Variants in C6orf118 observed in about 807,000 individuals in gnomAD.
C6orf118 encodes chromosome 6 open reading frame 118, also known as uncharacterized protein C6orf118.
In C6orf118, 50 loss-of-function variants were observed where a neutral mutation model predicts 50.2. The observed-to-expected ratio is 1.00, with a 90% CI of 0.79 to 1.26. The LOEUF (loss-of-function observed/expected upper bound fraction) is 1.26, where lower values mean the gene tolerates loss of function less well. Ranked by LOEUF, C6orf118 falls within the 50% of genes most tolerant of loss-of-function variation. The pLI is 0.00. For synonymous variants in C6orf118, 239 were observed against 230.9 expected, an observed-to-expected ratio of 1.03 and a Z score of -0.32; for missense variants, 641 against 578.7, an observed-to-expected ratio of 1.11 and a Z score of -1.10.
At chr6:165,309,470 A>G in intron 1 of C6orf118, 92 bp downstream of exon 1, 1 of 1,494,732 alleles carries the variant, frequency 6.7e-7, no homozygotes. Flanking sequence ...AAAGATTTTC[A>G]CATTTCAAAT....
chr6:165,301,634 C>T lies in C6orf118; in HGVS notation c.688G>A (p.Asp230Asn), dbSNP rs1780542405. 3.1e-6 allele frequency: 5 copies of T among 1,614,054 alleles called. No homozygotes were observed. Among genetic ancestry groups the T allele is most frequent in the African/African-American group, 2.7e-5 (2 of 74,938 alleles). ...RFQKEVLAKQDLLKNDFTGSK... is the reference protein window; with the variant it reads ...RFQKEVLAKQNLLKNDFTGSK... ...CCAGTGAAGTCATTCTTCAGGAGAT[C>T]TTGCTTGGCGAGCACTTCCTTCTGG... The change falls in exon 2 of 9, where the codon GAT (aspartate) becomes AAT (asparagine). Residue 230 changes from aspartate to asparagine, a missense_variant. Asp to Asn is a conservative substitution (Grantham distance 23, BLOSUM62 1). Coordinates refer to ENST00000230301, the MANE Select transcript of C6orf118 (RefSeq NM_144980.4).
At chr6:165,303,031 T>C (rs1198782258) in intron 1 of C6orf118, among the ~76,000 whole-genome samples, 4 of 152,216 alleles carry the variant, frequency 2.6e-5, no homozygotes, top group African/African-American at 7.2e-5. Context: ...AGCCCAGATT[T>C]GCCCCCTTCA....
chr6:165,297,331 G>C (rs1044584504), intron 5 of C6orf118, among the ~76,000 whole-genome samples: 12 of 151,352 alleles, frequency 7.9e-5, no homozygotes, highest in African/African-American at 1.7e-4. Flanking sequence ...TTGAACCCGG[G>C]AGATGGAAGT....
intron 1 of C6orf118, among the ~76,000 whole-genome samples, chr6:165,303,669 A>G (rs1266110245): frequency 3.5e-5 from 3 of 86,674 alleles, no homozygotes; most frequent in African/African-American, 1.8e-4. Flanking sequence ...AATACAAACT[A>G]CCATCAGAGA....
At chr6:165,300,658 T>C (rs562881740) in intron 2 of C6orf118, among the ~76,000 whole-genome samples, 172 bp from the exon 3 acceptor site, 3 of 151,854 alleles carry the variant, frequency 2.0e-5, no homozygotes, top group Admixed American at 6.6e-5. Context: ...CTGAGCTTCT[T>C]TGTTTCCCTG....
At chr6:165,289,098 G>A (rs1376459693) in intron 7 of C6orf118, among the ~76,000 whole-genome samples, 1 of 151,130 alleles carries the variant, frequency 6.6e-6, no homozygotes, top group Non-Finnish European at 1.5e-5. Flanking sequence ...TTCTAAAACA[G>A]GGGTCAAAAA....
intron 7 of C6orf118, among the ~76,000 whole-genome samples, chr6:165,282,761 G>A (rs1376297099): frequency 6.7e-6 from 1 of 149,704 alleles, no homozygotes. Flanking sequence ...TTTGAATTAA[G>A]CAGCCAAATA....
At chr6:165,288,967 A>AAATAT (rs1182557871) in intron 7 of C6orf118, among the ~76,000 whole-genome samples, 1 of 152,070 alleles carries the variant, frequency 6.6e-6, no homozygotes, top group African/African-American at 2.4e-5. Flanking sequence ...AAATAAAATA[A>AAATAT]ATAAATGTAA....
Position 165,286,607 on chromosome 6 carries a change from T to C in C6orf118, c.1302+3279A>G, listed in dbSNP as rs569729993. Among the ~76,000 whole-genome samples, 7 of 152,202 alleles carry C rather than the reference T, an allele frequency of 4.6e-5. No individual in the cohort carries two copies. In the East Asian group the frequency reaches 9.6e-4, roughly 21 times the overall value. On this transcript the variant is annotated intron_variant, in intron 7 of 8. Coordinates refer to ENST00000230301, the MANE Select transcript of C6orf118 (RefSeq NM_144980.4). ...AATCAAGTTGCCTTCACCCCCAAGATGCAAGACTGGTTTGACATACACAAA... is the reference window on the plus strand; with the variant it reads ...AATCAAGTTGCCTTCACCCCCAAGACGCAAGACTGGTTTGACATACACAAA...
intron 1 of C6orf118, among the ~76,000 whole-genome samples, chr6:165,308,507 T>C (rs915453579): frequency 3.4e-4 from 52 of 152,212 alleles, no homozygotes; most frequent in African/African-American, 1.2e-3. Flanking sequence ...ACAAGTCCAC[T>C]GGGCCTGGAA....
intron 5 of C6orf118, among the ~76,000 whole-genome samples, chr6:165,297,008 G>A (rs1412296766): frequency 1.3e-5 from 2 of 152,170 alleles, no homozygotes; most frequent in Non-Finnish European, 2.9e-5. Flanking sequence ...CATTAAGCCT[G>A]AAGGCCAGGA....
intron 1 of C6orf118, among the ~76,000 whole-genome samples, chr6:165,305,126 T>A (rs1284511402): frequency 7.4e-4 from 42 of 56,606 alleles, no homozygotes; most frequent in Admixed American, 1.2e-3. Flanking sequence ...AAAACAGAGA[T>A]ATAGATCAAT....
chr6:165,280,386 C>T (rs1779687985), intron 8 of C6orf118, among the ~76,000 whole-genome samples: 1 of 152,196 alleles, frequency 6.6e-6, no homozygotes, highest in African/African-American at 2.4e-5. Flanking sequence ...TGAGTCCATT[C>T]ACTTTCATTG....
chr6:165,281,181 G>A (rs1334903891), intron 8 of C6orf118, among the ~76,000 whole-genome samples: 2 of 152,120 alleles, frequency 1.3e-5, no homozygotes, highest in Non-Finnish European at 2.9e-5. Context: ...CCATATAATT[G>A]GAGAAAATAA....
intron 7 of C6orf118, among the ~76,000 whole-genome samples, chr6:165,288,497 C>A (rs1282408833): frequency 6.6e-6 from 1 of 152,088 alleles, no homozygotes; most frequent in Non-Finnish European, 1.5e-5. Flanking sequence ...ATGTCCATTG[C>A]AGAACTATTC....
chr6:165,301,282 AG>A (rs1780522598), intron 2 of C6orf118, among the ~76,000 whole-genome samples: 1 of 151,886 alleles, frequency 6.6e-6, no homozygotes, highest in South Asian at 2.1e-4. Flanking sequence ...CTGCGCCCAG[AG>A]GCTGCACCAA....
At chr6:165,307,356 C>T (rs977057064) in intron 1 of C6orf118, among the ~76,000 whole-genome samples, 2 of 151,816 alleles carry the variant, frequency 1.3e-5, no homozygotes, top group South Asian at 2.1e-4. Flanking sequence ...ATCAGGAGTT[C>T]GAGACCAGTC....
At chr6:165,302,429 GC>G in intron 1 of C6orf118, 133 bp from the exon 2 acceptor site, 1 of 1,169,046 alleles carries the variant, frequency 8.6e-7, no homozygotes, top group Non-Finnish European at 1.2e-6. Context: ...AGAGTACATG[GC>G]CCAGCCCTTA....
intron 6 of C6orf118, among the ~76,000 whole-genome samples, chr6:165,291,062 G>C (rs1409276479): frequency 6.6e-6 from 1 of 152,080 alleles, no homozygotes; most frequent in Admixed American, 6.6e-5. Flanking sequence ...AATAGTATGG[G>C]GGAAACTGTC....
Sources: gnomAD v4.1 joint callset for allele counts (sites outside exome capture counted in the v4.1 genomes callset) on GRCh38, gnomAD v4.1.1 for gene constraint, MANE v1.5 for transcripts, NCBI Gene and HGNC (gene_info 2026-07-23, HGNC 2026-07-21) for gene names.